Variants in NKAIN2 observed in about 807,000 individuals in gnomAD.
NKAIN2 encodes sodium/potassium transporting ATPase interacting 2, also known as sodium/potassium-transporting ATPase subunit beta-1-interacting protein 2.
NKAIN2 carries 14 observed loss-of-function variants against 32.6 expected under a neutral mutation model. That is an observed-to-expected ratio of 0.43 (90% confidence interval 0.28 to 0.67). The LOEUF (loss-of-function observed/expected upper bound fraction) is 0.67. NKAIN2 is among the 30% of genes least tolerant of loss of function. The pLI, the probability that NKAIN2 is intolerant of heterozygous loss-of-function variation, is 0.17. For missense variants in NKAIN2, 198 were observed against 258.3 expected (o/e 0.77, Z 1.60); for synonymous variants, 80 against 87.2 (o/e 0.92, Z 0.46).
chr6:124,542,980 T>C (rs565361510), intron 3 of NKAIN2, among the ~76,000 whole-genome samples: 1 of 152,298 alleles, frequency 6.6e-6, no homozygotes, highest in Non-Finnish European at 1.5e-5. Context: ...TACTACTAGA[T>C]TGGTCCCCTT....
intron 1 of NKAIN2, among the ~76,000 whole-genome samples, chr6:124,163,208 A>AT (rs908197670): frequency 1.3e-4 from 19 of 151,338 alleles, no homozygotes; most frequent in African/African-American, 3.4e-4. Flanking sequence ...CAGACAGGTG[A>AT]TTTTTTTTTC....
intron 4 of NKAIN2, among the ~76,000 whole-genome samples, chr6:124,673,268 A>G (rs1217698950): frequency 6.6e-6 from 1 of 151,888 alleles, no homozygotes; most frequent in Non-Finnish European, 1.5e-5. Context: ...TATATACCAC[A>G]TTTTCTCTAT....
chr6:124,678,344 T>C (rs545504005), intron 4 of NKAIN2, among the ~76,000 whole-genome samples: 4 of 152,274 alleles, frequency 2.6e-5, no homozygotes, highest in African/African-American at 9.6e-5. Flanking sequence ...TCATAATATA[T>C]ACATTGGTTC....
rs559452324 is a variant in NKAIN2 at position 123,978,835 on chromosome 6, G to T, written c.54+174581G>T. On this transcript the variant is annotated intron_variant, in intron 1 of 6. Coordinates refer to ENST00000368417, the MANE Select transcript of NKAIN2 (RefSeq NM_001040214.3). ...AATTCAATATTTATCAGGCGAATTA[G>T]CTTCATGGTTAAATAGTTATGGACT... Among the ~76,000 whole-genome samples, 99 of 152,264 alleles carry T rather than the reference G, an allele frequency of 6.5e-4. 1 individual carries two copies. The highest frequency in any genetic ancestry group is 1.2e-3 in the Non-Finnish European group (79 of 68,004).
At chr6:124,316,996 C>CT (rs1268523206) in intron 2 of NKAIN2, among the ~76,000 whole-genome samples, 1 of 151,982 alleles carries the variant, frequency 6.6e-6, no homozygotes, top group Non-Finnish European at 1.5e-5. Flanking sequence ...GAGTGGGACT[C>CT]TAATTGAAAC....
chr6:124,618,702 C>T (rs1467315468), intron 3 of NKAIN2, among the ~76,000 whole-genome samples: 2 of 151,988 alleles, frequency 1.3e-5, no homozygotes, highest in African/African-American at 4.8e-5. Context: ...AGATATTTAG[C>T]AGGAGAAACT....
At chr6:123,842,732 G>A (rs923004313) in intron 1 of NKAIN2, among the ~76,000 whole-genome samples, 2 of 151,892 alleles carry the variant, frequency 1.3e-5, no homozygotes, top group African/African-American at 4.8e-5. Flanking sequence ...CAATGCTATG[G>A]GATCATTCTT....
intron 3 of NKAIN2, among the ~76,000 whole-genome samples, chr6:124,649,721 AAC>A (rs1337414093): frequency 6.6e-6 from 1 of 152,188 alleles, no homozygotes; most frequent in Non-Finnish European, 1.5e-5. Flanking sequence ...TTCAACATAT[AAC>A]AGTCAGTATA....
chr6:124,299,882 A>G (rs1037683191), intron 2 of NKAIN2, among the ~76,000 whole-genome samples: 1 of 152,196 alleles, frequency 6.6e-6, no homozygotes, highest in Non-Finnish European at 1.5e-5. Flanking sequence ...CGAATAATCT[A>G]TTTCACATTT....
At chr6:124,532,332 G>A (rs1779555195) in intron 3 of NKAIN2, among the ~76,000 whole-genome samples, 1 of 152,162 alleles carries the variant, frequency 6.6e-6, no homozygotes, top group South Asian at 2.1e-4. Flanking sequence ...CTTCTTGCAA[G>A]GGGAGGCTTC....
intron 1 of NKAIN2, among the ~76,000 whole-genome samples, chr6:124,059,704 T>G (rs1782836976): frequency 6.6e-6 from 1 of 152,176 alleles, no homozygotes; most frequent in Non-Finnish European, 1.5e-5. Context: ...CATCCTGAGC[T>G]TCCATTTGGT....
At chr6:123,933,507 T>C (rs1372932252) in intron 1 of NKAIN2, among the ~76,000 whole-genome samples, 1 of 152,250 alleles carries the variant, frequency 6.6e-6, no homozygotes, top group Non-Finnish European at 1.5e-5. Context: ...CAGTTTAACT[T>C]ATCTTACAGA....
rs187078423 is a variant in NKAIN2 at position 124,781,153 on chromosome 6, G to C, written c.475-10186G>C. On this transcript the variant is annotated intron_variant, in intron 4 of 6. Transcript: ENST00000368417. ...AATCTTATGTTCCCTTTGCTTGAGA[G>C]TATTGTCAGTTTTGCCTTTTGGATA... Among the ~76,000 whole-genome samples, 3 of 152,188 alleles carry C rather than the reference G, an allele frequency of 2.0e-5. No homozygotes were observed. The East Asian group carries it at 5.8e-4, about 29-fold the overall frequency.
chr6:124,815,266 ATATATATG>A (rs1421877701), intron 5 of NKAIN2, among the ~76,000 whole-genome samples: 1 of 144,612 alleles, frequency 6.9e-6, no homozygotes, highest in East Asian at 2.0e-4. Flanking sequence ...ATATATGTGT[ATATATATG>A]TATATATGTA....
intron 4 of NKAIN2, among the ~76,000 whole-genome samples, chr6:124,749,833 A>T (rs1358932481): frequency 6.6e-6 from 1 of 151,862 alleles, no homozygotes; most frequent in Non-Finnish European, 1.5e-5. Context: ...ATCTCACCCT[A>T]TTTTATAACC....
At chr6:124,215,944 C>T (rs1791453764) in intron 1 of NKAIN2, among the ~76,000 whole-genome samples, 1 of 151,860 alleles carries the variant, frequency 6.6e-6, no homozygotes, top group Non-Finnish European at 1.5e-5. Context: ...ATGGTGAAAC[C>T]CCATCTCTAC....
chr6:124,362,013 A>G (rs1448487903), intron 3 of NKAIN2, among the ~76,000 whole-genome samples: 1 of 152,100 alleles, frequency 6.6e-6, no homozygotes, highest in Non-Finnish European at 1.5e-5. Flanking sequence ...ATATGCTGTA[A>G]TCTTTTTTTA....
At chr6:124,707,163 C>T (rs1488820821) in intron 4 of NKAIN2, among the ~76,000 whole-genome samples, 1 of 152,178 alleles carries the variant, frequency 6.6e-6, no homozygotes, top group South Asian at 2.1e-4. Flanking sequence ...CTACAAAGGA[C>T]ATGAACTCAT....
chr6:124,047,448 C>A (rs13198992), intron 1 of NKAIN2, among the ~76,000 whole-genome samples: 56,062 of 151,002 alleles, frequency 0.37, 10,554 homozygotes, highest in South Asian at 0.45. Context: ...CTCTCTCTCT[C>A]TATATATATA....
Sources: gnomAD v4.1 joint callset for allele counts (sites outside exome capture counted in the v4.1 genomes callset) on GRCh38, gnomAD v4.1.1 for gene constraint, MANE v1.5 for transcripts, NCBI Gene and HGNC (gene_info 2026-07-23, HGNC 2026-07-21) for gene names.